The following RYR3 variants were observed in gnomAD, a reference collection of about 807,000 sequenced individuals.
The protein encoded by RYR3 is brain ryanodine receptor-calcium release channel.
Under a neutral mutation model 584.3 loss-of-function variants are expected in RYR3, and 207 were observed. That is an observed-to-expected ratio of 0.35 (90% CI 0.32 to 0.40). The LOEUF is 0.40. Among genes scored for constraint, RYR3 ranks in the 10% least tolerant of loss-of-function variants. RYR3 has a pLI of 1.00. For synonymous variants in RYR3, 2,416 were observed against 2,248.5 expected (o/e 1.07, Z -2.11); for missense variants, 5,616 against 6,089.2 (o/e 0.92, Z 2.59).
chr15:33,663,165 CAG>C (rs2063269454), intron 35 of RYR3, among the ~76,000 whole-genome samples: 1 of 152,192 alleles, frequency 6.6e-6, no homozygotes, highest in South Asian at 2.1e-4. Context: ...CCCAGAAAAA[CAG>C]TGCAAAAAAC....
chr15:33,438,554 C>A (rs1011053885), intron 1 of RYR3, among the ~76,000 whole-genome samples: 1 of 152,124 alleles, frequency 6.6e-6, no homozygotes, highest in Non-Finnish European at 1.5e-5. Flanking sequence ...GCTATTCTTG[C>A]TCCTTTTATC....
chr15:33,497,657 G>A (rs1280202849), intron 2 of RYR3, among the ~76,000 whole-genome samples: 1 of 152,154 alleles, frequency 6.6e-6, no homozygotes, highest in African/African-American at 2.4e-5. Context: ...TATACAATAT[G>A]TAAGGATCAA....
intron 1 of RYR3, among the ~76,000 whole-genome samples, chr15:33,410,705 C>T (rs1450786394): frequency 2.6e-5 from 4 of 152,152 alleles, no homozygotes; most frequent in South Asian, 2.1e-4. Context: ...GCATGGGCCC[C>T]GCACAGCATG....
chr15:33,816,975 C>G lies in RYR3; in HGVS notation c.10599+17C>G. 1 of 1,470,458 alleles carries G rather than the reference C, an allele frequency of 6.8e-7. No homozygotes were observed. Among genetic ancestry groups the G allele is most frequent in the Non-Finnish European group, 9.5e-7 (1 of 1,055,704 alleles). 91.1% of individuals were successfully genotyped at this position (1,470,458 alleles called of 1,614,324 possible). ...GATTTGGCTGTAAGTACTGACTCCC[C>G]TGGGAGCAGATATGAGTGTGGATGA... On this transcript the variant is annotated intron_variant, in intron 75 of 103. Coordinates refer to ENST00000634891, the MANE Select transcript of RYR3 (RefSeq NM_001036.6).
chr15:33,381,783 T>C (rs2041207335), intron 1 of RYR3, among the ~76,000 whole-genome samples: 1 of 152,224 alleles, frequency 6.6e-6, no homozygotes. Context: ...CAGCCTCCTC[T>C]GTCCTGCAGG....
At chr15:33,640,254 C>G (rs142742554) in intron 27 of RYR3, among the ~76,000 whole-genome samples, 64 of 152,368 alleles carry the variant, frequency 4.2e-4, no homozygotes, top group Non-Finnish European at 7.6e-4. Flanking sequence ...GTCATTCTCT[C>G]TCCAGATGGG....
intron 70 of RYR3, among the ~76,000 whole-genome samples, chr15:33,807,956 C>A (rs1386602349): frequency 6.6e-6 from 1 of 152,184 alleles, no homozygotes; most frequent in Middle Eastern, 3.2e-3. Context: ...GTGGTCTCAG[C>A]CCTTTCACAC....
Position 33,801,955 on chromosome 15 carries a change from G to A in RYR3, c.10005G>A (p.Met3335Ile), listed in dbSNP as rs1376441142. 1 of 1,573,374 alleles carries A rather than the reference G, an allele frequency of 6.4e-7. No individual in the cohort carries two copies. Among genetic ancestry groups the A allele is most frequent in the Non-Finnish European group, 8.7e-7 (1 of 1,146,416 alleles). ...TAACTGGAGACAGCAAAAGCAAGAT[G>A]TCAAAAGTAAGTCCTTAGAAATCAA... The part of the protein sequence containing the change: ...AFLTGDSKSK[M>I]SKAMQVKSGG... Residue 3335 changes from methionine to isoleucine, a missense_variant, in exon 69 of 104, where the codon ATG (methionine) becomes ATA (isoleucine). Coordinates refer to ENST00000634891, the MANE Select transcript of RYR3 (RefSeq NM_001036.6).
intron 94 of RYR3, among the ~76,000 whole-genome samples, chr15:33,848,659 C>G (rs539354977): frequency 6.6e-6 from 1 of 152,178 alleles, no homozygotes; most frequent in East Asian, 1.9e-4. Flanking sequence ...TTGATTTAGA[C>G]CAGACAGTCC....
At chr15:33,449,597 A>T (rs1401421183) in intron 1 of RYR3, among the ~76,000 whole-genome samples, 1 of 152,244 alleles carries the variant, frequency 6.6e-6, no homozygotes, top group African/African-American at 2.4e-5. Context: ...TTTTATTAGT[A>T]ATGTATTTTA....
intron 11 of RYR3, among the ~76,000 whole-genome samples, chr15:33,564,371 G>C (rs1430862316): frequency 6.6e-6 from 1 of 152,166 alleles, no homozygotes; most frequent in Non-Finnish European, 1.5e-5. Flanking sequence ...AGAGTACTAG[G>C]GATATACAAG....
chr15:33,382,686 T>C (rs2041290215), intron 1 of RYR3, among the ~76,000 whole-genome samples: 1 of 152,204 alleles, frequency 6.6e-6, no homozygotes, highest in Non-Finnish European at 1.5e-5. Flanking sequence ...TGTACATTCA[T>C]ATGACGTAAT....
At chr15:33,602,172 C>T (rs983289642) in intron 17 of RYR3, among the ~76,000 whole-genome samples, 2 of 152,206 alleles carry the variant, frequency 1.3e-5, no homozygotes, top group Non-Finnish European at 2.9e-5. Context: ...TAGAATCTTC[C>T]CTCTGAAGTG....
chr15:33,662,722 C>T lies in RYR3; in HGVS notation c.5192C>T (p.Thr1731Ile), dbSNP rs764731057. The T allele has an allele frequency of 1.2e-6, 2 of 1,614,130 alleles. No homozygotes were observed. Among genetic ancestry groups the T allele is most frequent in the Non-Finnish European group, 1.7e-6 (2 of 1,180,036 alleles). Residue 1731 changes from threonine to isoleucine, a missense_variant, in exon 35 of 104, where the codon ACC (threonine) becomes ATC (isoleucine). By Grantham distance (89) the Thr-to-Ile change is moderately conservative (BLOSUM62 -1). Around this residue, in one of 9 missense-constraint regions of RYR3, gnomAD observed 753 missense variants for 741.0 expected, o/e 1.02. Coordinates refer to ENST00000634891, the MANE Select transcript of RYR3 (RefSeq NM_001036.6). ...GTGCCTGTGCTGAAACTCATTGGAA[C>T]CCTGCTGGTCATGGGCGTGTTTGAT... Reference protein sequence around the residue: ...QFVPVLKLIGTLLVMGVFDDD... With the variant: ...QFVPVLKLIGILLVMGVFDDD...
chr15:33,520,103 G>T (rs1392319370), intron 3 of RYR3, among the ~76,000 whole-genome samples: 4 of 152,152 alleles, frequency 2.6e-5, no homozygotes, highest in Non-Finnish European at 5.9e-5. Context: ...TGCAGGAAAG[G>T]GGGAGGAGGA....
In RYR3 at chr15:33,660,253, A is replaced by T. The variant is rs1220206850; in HGVS notation, c.4452A>T (p.Pro1484=). 6.4e-7 allele frequency: 1 copy of T among 1,554,692 alleles called. No homozygotes were observed. The highest frequency in any genetic ancestry group is 2.0e-5 in the Admixed American group (1 of 51,220). Residue 1484 remains proline (P), a synonymous_variant, in exon 34 of 104, where the codon CCA becomes CCT. Transcript: ENST00000634891. ...GGAGTGAAGAGAAGAACCCAGTCCC[A>T]CAGTGTCCACCTCGGCTGGACGTCC... ...IFRSEEKNPV[P]QCPPRLDVQT... is the part of the protein sequence containing the mutation.
chr15:33,559,990 A>G (rs2057315483), intron 10 of RYR3, among the ~76,000 whole-genome samples: 1 of 151,986 alleles, frequency 6.6e-6, no homozygotes, highest in Admixed American at 6.5e-5. Context: ...AACTTTAGAG[A>G]TAATAATTGT....
At chr15:33,746,801 TTC>T (rs1289762313) in intron 53 of RYR3, among the ~76,000 whole-genome samples, 5 of 105,266 alleles carry the variant, frequency 4.7e-5, no homozygotes, top group Non-Finnish European at 6.8e-5. Flanking sequence ...TCTTTCTTTC[TTC>T]TTTTTTTTTT....
intron 51 of RYR3, among the ~76,000 whole-genome samples, chr15:33,741,715 G>A (rs148928557): frequency 0.2 from 30,015 of 151,950 alleles, 3,116 homozygotes; most frequent in African/African-American, 0.27. Context: ...CTGGGTTCAC[G>A]TCATTCTCCT....
Sources: allele counts gnomAD v4.1 joint callset (sites outside exome capture counted in the v4.1 genomes callset), GRCh38; gene constraint gnomAD v4.1.1; regional missense constraint gnomAD v4.1.1; transcripts MANE v1.5; gene names NCBI Gene and HGNC (gene_info 2026-07-23, HGNC 2026-07-21).